A4GALT: variants seen among roughly 807,000 people sequenced by gnomAD.
A4GALT encodes the protein alpha 1,4-galactosyltransferase (P1PK blood group).
For missense variants in A4GALT, 512 were observed against 486.0 expected (o/e 1.05, Z -0.50); for synonymous variants, 257 against 220.7 (o/e 1.16, Z -1.46).
At chr22:42,716,726 A>C (rs28992181) in intron 1 of A4GALT, among the ~76,000 whole-genome samples, 210 of 152,172 alleles carry the variant, frequency 1.4e-3, no homozygotes, top group Admixed American at 3.5e-3. Flanking sequence ...TTGTCTGTAA[A>C]ATGGGAATAA....
At chr22:42,707,933 C>T (rs1921294413) in intron 1 of A4GALT, among the ~76,000 whole-genome samples, 1 of 143,906 alleles carries the variant, frequency 6.9e-6, no homozygotes. Flanking sequence ...CCAGCCTGGG[C>T]ACCACAGTGA....
chr22:42,701,093 G>A (rs1931270596), intron 1 of A4GALT, among the ~76,000 whole-genome samples: 1 of 152,180 alleles, frequency 6.6e-6, no homozygotes, highest in African/African-American at 2.4e-5. Context: ...CTCCACCCTT[G>A]CCTGGTCAGA....
intron 1 of A4GALT, among the ~76,000 whole-genome samples, chr22:42,696,218 C>G (rs369778415): frequency 2.0e-5 from 3 of 150,024 alleles, no homozygotes; most frequent in African/African-American, 7.4e-5. Context: ...GTCGGGAATT[C>G]GAGAACAGCC....
Position 42,694,984 on chromosome 22 carries a change from G to A in A4GALT, c.-47+507C>T, listed in dbSNP as rs1930823241. 3.3e-5 allele frequency: 5 copies of A among 152,100 alleles called. No homozygotes were observed. The South Asian group carries it at 1.0e-3, about 32-fold the overall frequency. 9.4% of individuals were successfully genotyped at this position (152,100 alleles called of 1,614,324 possible). On this transcript the variant is annotated intron_variant, in intron 2 of 2. Coordinates refer to ENST00000642412, the MANE Select transcript of A4GALT (RefSeq NM_017436.7). ...GATGAGGAAATTGAGGCACAGAAGT[G>A]CAGTACCTTGTGCAGAGTCCCACAG...
At chr22:42,721,058 A>G (rs1569078401), upstream of A4GALT, 1 of 151,682 alleles carries the variant, frequency 6.6e-6, no homozygotes, top group Non-Finnish European at 1.5e-5. Flanking sequence ...TCCGCCGGCC[A>G]ACAGGTAGGG....
intron 1 of A4GALT, among the ~76,000 whole-genome samples, chr22:42,697,321 G>C (rs1931006631): frequency 6.6e-6 from 1 of 152,114 alleles, no homozygotes; most frequent in Non-Finnish European, 1.5e-5. Context: ...GAGCTCCCTG[G>C]GATGCGGGTA....
Position 42,693,169 on chromosome 22 carries a change from C to G in A4GALT, c.783G>C (p.Trp261Cys), listed in dbSNP as rs74315454. The change falls in exon 3 of 3, where the codon TGG becomes TGC. Residue 261 changes from tryptophan (W) to cysteine (C), a missense_variant. By Grantham distance (215) the Trp-to-Cys change is radical. Transcript: ENST00000642412. The stretch of plus-strand genomic sequence containing the variant: ...TCTCGGCCAGGCTGCGGATGGAACA[C>G]CACTTCTTGAAGACCCGCGTGAGCA... ...PQLLTRVFKKWCSIRSLAESR... is the reference protein window; with the variant it reads ...PQLLTRVFKKCCSIRSLAESR... The G allele has an allele frequency of 3.8e-6, 6 of 1,597,562 alleles. No homozygotes were observed. Among genetic ancestry groups the G allele is most frequent in the Non-Finnish European group, 4.3e-6 (5 of 1,173,314 alleles).
intron 1 of A4GALT, among the ~76,000 whole-genome samples, chr22:42,707,130 T>C (rs1224907133): frequency 1.3e-5 from 2 of 152,166 alleles, no homozygotes; most frequent in Admixed American, 1.3e-4. Context: ...AGTAAGGTAC[T>C]ATAATATTTC....
chr22:42,693,760 C>T lies in A4GALT; in HGVS notation c.192G>A (p.Leu64=), dbSNP rs1256458017. 6.3e-6 allele frequency: 10 copies of T among 1,595,574 alleles called. No individual in the cohort carries two copies. Among genetic ancestry groups the T allele is most frequent in the South Asian group, 1.1e-5 (1 of 89,884 alleles). Residue 64 remains leucine, a synonymous_variant, in exon 3 of 3, where the codon TTG becomes TTA. Coordinates refer to ENST00000642412, the MANE Select transcript of A4GALT (RefSeq NM_017436.7). The part of the protein sequence containing the change: ...NLPAEIPCPT[L]TPPTPPSHGP... Reference sequence around the variant, plus strand: ...CGTGGGAGGGTGGGGTGGGGGGTGTCAAGGTGGGGCAGGGGATCTCTGCTG... The same window carrying T: ...CGTGGGAGGGTGGGGTGGGGGGTGTTAAGGTGGGGCAGGGGATCTCTGCTG...
At chr22:42,717,706 C>T (rs1922314089) in intron 1 of A4GALT, among the ~76,000 whole-genome samples, 1 of 152,042 alleles carries the variant, frequency 6.6e-6, no homozygotes, top group Non-Finnish European at 1.5e-5. Flanking sequence ...TAAAGTAAAA[C>T]AAAAAACTTG....
chr22:42,708,057 C>T (rs1005297810), intron 1 of A4GALT, among the ~76,000 whole-genome samples: 1 of 151,908 alleles, frequency 6.6e-6, no homozygotes, highest in African/African-American at 2.4e-5. Context: ...AGTTCAAGAC[C>T]AGCCTGACTA....
chr22:42,694,043 C>T lies in A4GALT; in HGVS notation c.-46-46G>A, dbSNP rs571357798. 8 of 1,196,300 alleles carry T rather than the reference C, an allele frequency of 6.7e-6. No individual in the cohort carries two copies. The East Asian group carries it at 7.7e-5, about 11-fold the overall frequency. The allele number at this position is 1,196,300 out of a possible 1,614,324, so 74.1% of individuals were successfully genotyped here. A position where few individuals can be genotyped will look rare whatever the true frequency, so the allele number is the denominator to read the frequency against. On this transcript the variant is annotated intron_variant, in intron 2 of 2. Transcript: ENST00000642412. ...CCATCAGGGAGGCCGTTGGCATTCC[C>T]GATCCACAAGGAAAACGCTTCCTGT...
In A4GALT at chr22:42,704,893, G is replaced by A. The variant is rs1320196226; in HGVS notation, c.-187-9262C>T. ...ATGGGGGGGGGCGGGGGGGGGCGGC[G>A]GAGGCGGGGGAGCTCAAGAGTGGAA... On this transcript the variant is annotated intron_variant, in intron 1 of 2. Coordinates refer to ENST00000642412, the MANE Select transcript of A4GALT (RefSeq NM_017436.7). Among the ~76,000 whole-genome samples, 52 of 145,758 alleles carry A rather than the reference G, an allele frequency of 3.6e-4. 1 individual carries two copies. Among genetic ancestry groups the A allele is most frequent in the Admixed American group, 3.4e-3 (49 of 14,340 alleles).
chr22:42,705,506 G>A (rs1920998672), intron 1 of A4GALT, among the ~76,000 whole-genome samples: 1 of 123,220 alleles, frequency 8.1e-6, no homozygotes, highest in African/African-American at 2.6e-5. Flanking sequence ...GGGAGGCCAA[G>A]GCAGGAGAAT....
chr22:42,717,977 G>T (rs1291705105), intron 1 of A4GALT, among the ~76,000 whole-genome samples: 3 of 152,302 alleles, frequency 2.0e-5, no homozygotes, highest in African/African-American at 7.2e-5. Context: ...TCCAGATACA[G>T]CCATTCTAGA....
chr22:42,704,084 G>C (rs1920950917), intron 1 of A4GALT, among the ~76,000 whole-genome samples: 8 of 152,164 alleles, frequency 5.3e-5, no homozygotes, highest in Admixed American at 5.2e-4. Context: ...CAAGTGTCCT[G>C]TTCCCCATCC....
intron 1 of A4GALT, among the ~76,000 whole-genome samples, chr22:42,697,106 A>G (rs920782215): frequency 6.6e-6 from 1 of 152,152 alleles, no homozygotes; most frequent in Non-Finnish European, 1.5e-5. Context: ...TCAGCTCTGA[A>G]ATGGTAGAAC....
intron 1 of A4GALT, among the ~76,000 whole-genome samples, chr22:42,698,698 G>A (rs1931101592): frequency 6.6e-6 from 1 of 152,210 alleles, no homozygotes; most frequent in Non-Finnish European, 1.5e-5. Flanking sequence ...TCTTAAATAG[G>A]AGCTGAGTAA....
At chr22:42,699,373 C>A (rs1296901066) in intron 1 of A4GALT, among the ~76,000 whole-genome samples, 2 of 152,242 alleles carry the variant, frequency 1.3e-5, no homozygotes, top group Non-Finnish European at 2.9e-5. Flanking sequence ...GCATGTGACA[C>A]TGCGCCCGGC....
Sources: allele counts gnomAD v4.1 joint callset (sites outside exome capture counted in the v4.1 genomes callset), GRCh38; gene constraint gnomAD v4.1.1; transcripts MANE v1.5; gene names NCBI Gene and HGNC (gene_info 2026-07-23, HGNC 2026-07-21).